The following ZBTB41 variants were observed in gnomAD, a reference collection of about 807,000 sequenced individuals.
ZBTB41 encodes the protein zinc finger and BTB domain-containing protein 41.
ZBTB41 carries 42 observed loss-of-function variants against 87.6 expected under a neutral mutation model. The ratio of observed to expected loss-of-function variants is 0.48; its 90% confidence interval spans 0.37 to 0.62. ZBTB41 has a LOEUF of 0.62. Among genes scored for constraint, ZBTB41 ranks in the 20% least tolerant of loss-of-function variants. The probability of loss-of-function intolerance (pLI) is 0.00; values close to 1 mark genes in which losing one functional copy is unlikely to be tolerated. For synonymous variants in ZBTB41, 364 were observed against 364.0 expected (o/e 1.00, Z 0.00); for missense variants, 799 against 1,078.9 (o/e 0.74, Z 3.63).
At position 197,165,609 on chromosome 1, in the gene ZBTB41, C is replaced by CA. The variant is rs796901231; in HGVS notation, c.2075-5596dup. On this transcript the variant is annotated intron_variant, in intron 10 of 10. Coordinates refer to ENST00000367405, the MANE Select transcript of ZBTB41 (RefSeq NM_194314.3). ...TGGGTGACAGAGCGAGACTCTATCT[C>CA]AAAAAAAAAACAAAAAAAACAACAA... is the stretch of plus-strand genomic sequence containing the variant. Among the ~76,000 whole-genome samples, 800 of 125,342 alleles carry CA rather than the reference C, an allele frequency of 6.4e-3. 10 individuals carry two copies. The highest frequency in any genetic ancestry group is 0.022 in the African/African-American group (737 of 33,658). The allele number at this position is 125,342 out of a possible 152,430, so 82.2% of individuals were successfully genotyped here. A position where few individuals can be genotyped will look rare whatever the true frequency, so the allele number is the denominator to read the frequency against.
chr1:197,191,704 T>A lies in ZBTB41; in HGVS notation c.1316A>T (p.Lys439Met). The change falls in exon 3 of 11, where the codon AAG (lysine) becomes ATG (methionine). Residue 439 changes from lysine to methionine, a missense_variant. Around this residue, in one of 5 missense-constraint regions of ZBTB41, gnomAD observed 294 missense variants for 340.1 expected, o/e 0.86. Coordinates refer to ENST00000367405, the MANE Select transcript of ZBTB41 (RefSeq NM_194314.3). Reference protein sequence around the residue: ...KLHASKKTLAKHVKRFHPENA... With the variant: ...KLHASKKTLAMHVKRFHPENA... ...AGATAATACTTGCCTCTTAACATGC[T>A]TGGCTAAAGTCTTCTTGCTTGCATG... The A allele has an allele frequency of 6.2e-7, 1 of 1,612,074 alleles. No homozygotes were observed. Among genetic ancestry groups the A allele is most frequent in the Non-Finnish European group, 8.5e-7 (1 of 1,179,112 alleles).
At chr1:197,168,570 TA>T (rs1031522112) in intron 10 of ZBTB41, among the ~76,000 whole-genome samples, 2 of 151,972 alleles carry the variant, frequency 1.3e-5, no homozygotes, top group African/African-American at 4.8e-5. Flanking sequence ...AACCATATGT[TA>T]AAAAAAGAAC....
chr1:197,183,015 CTCTA>C (rs1480047677), intron 5 of ZBTB41, among the ~76,000 whole-genome samples: 3 of 152,010 alleles, frequency 2.0e-5, no homozygotes, highest in Non-Finnish European at 4.4e-5. Context: ...AAGAAGCTCT[CTCTA>C]TATATATATA....
In ZBTB41 at chr1:197,172,266, T is replaced by A. The variant is rs1238319540; in HGVS notation, c.1986-18A>T. 6 of 1,026,830 alleles carry A rather than the reference T, an allele frequency of 5.8e-6. No individual in the cohort carries two copies. Among genetic ancestry groups the A allele is most frequent in the Non-Finnish European group, 7.9e-6 (6 of 762,656 alleles). 63.6% of individuals were successfully genotyped at this position (1,026,830 alleles called of 1,614,324 possible). A position where few individuals can be genotyped will look rare whatever the true frequency, so the allele number is the denominator to read the frequency against. On this transcript the variant is annotated intron_variant, in intron 9 of 10. Transcript: ENST00000367405. ...CTTTATATCTAAGAAAATAAAAAGA[T>A]TTGAGTTTTTCAATATAATTTTAAT...
chr1:197,189,882 G>A (rs925920057), intron 4 of ZBTB41, among the ~76,000 whole-genome samples: 6 of 152,118 alleles, frequency 3.9e-5, no homozygotes, highest in African/African-American at 9.7e-5. Flanking sequence ...TGAGATTCTC[G>A]CCAAGAACAA....
intron 5 of ZBTB41, among the ~76,000 whole-genome samples, chr1:197,182,897 C>T (rs143362245): frequency 0.016 from 2,388 of 152,182 alleles, 38 homozygotes; most frequent in Non-Finnish European, 0.022. Flanking sequence ...CTGGGAAATC[C>T]GTTTTAATAA....
At chr1:197,176,693 C>T in intron 7 of ZBTB41, 23 bp from the exon 8 acceptor site, 6 of 1,534,686 alleles carry the variant, frequency 3.9e-6, no homozygotes, top group Non-Finnish European at 5.4e-6. Flanking sequence ...AAGAATTGAA[C>T]ACCATTAAAA....
In ZBTB41 at chr1:197,156,495, T is replaced by C. The variant is rs1467149794; in HGVS notation, c.*2864A>G. 2.0e-5 allele frequency: 3 copies of C among 152,276 alleles called. No homozygotes were observed. The highest frequency in any genetic ancestry group is 7.2e-5 in the African/African-American group (3 of 41,434). The allele number at this position is 152,276 out of a possible 1,614,324, so 9.4% of individuals were successfully genotyped here. On this transcript the variant is annotated 3_prime_UTR_variant, in exon 11 of 11. Transcript: ENST00000367405. ...ATGAGGCTAAACTTAGTTGCAAGAT[T>C]CAAAATTTTAAGTACAGTTACAAAA... is the stretch of plus-strand genomic sequence containing the variant.
At position 197,176,604 on chromosome 1, in the gene ZBTB41, G is replaced by A. The variant is rs779306802; in HGVS notation, c.1839C>T (p.Ile613=). 1 of 1,612,136 alleles carries A rather than the reference G, an allele frequency of 6.2e-7. No homozygotes were observed. The highest frequency in any genetic ancestry group is 8.5e-7 in the Non-Finnish European group (1 of 1,179,064). The change falls in exon 8 of 11, where the codon ATC becomes ATT. Residue 613 remains isoleucine (I), a synonymous_variant. Coordinates refer to ENST00000367405, the MANE Select transcript of ZBTB41 (RefSeq NM_194314.3). The part of the protein sequence containing the change: ...YECDECGKTF[I]RHDHLTKHKK... ...TGTGCTTTGTAAGGTGATCATGACGGATAAATGTTTTTCCACATTCATCGC... is the reference window on the plus strand; with the variant it reads ...TGTGCTTTGTAAGGTGATCATGACGAATAAATGTTTTTCCACATTCATCGC...
At chr1:197,180,896 C>A (rs1321457984) in intron 6 of ZBTB41, 92 bp downstream of exon 6, 2 of 1,362,988 alleles carry the variant, frequency 1.5e-6, no homozygotes, top group Non-Finnish European at 1.9e-6. Context: ...CATTTTGTGT[C>A]TTATGTTACC....
chr1:197,193,373 C>CA (rs1466334937), intron 2 of ZBTB41, among the ~76,000 whole-genome samples: 5 of 147,380 alleles, frequency 3.4e-5, no homozygotes, highest in Admixed American at 1.4e-4. Context: ...CCCAACTCTA[C>CA]AAAAAAACAA....
intron 10 of ZBTB41, among the ~76,000 whole-genome samples, chr1:197,164,298 G>A (rs1349185367): frequency 6.6e-6 from 1 of 151,962 alleles, no homozygotes; most frequent in Non-Finnish European, 1.5e-5. Context: ...GAAGCTAACT[G>A]AGGGAAAAAT....
intron 2 of ZBTB41, among the ~76,000 whole-genome samples, chr1:197,192,785 T>C (rs915780529): frequency 2.6e-5 from 4 of 152,060 alleles, no homozygotes; most frequent in African/African-American, 9.7e-5. Flanking sequence ...ATGTATAACA[T>C]GAAAATTATG....
intron 2 of ZBTB41, among the ~76,000 whole-genome samples, chr1:197,198,884 T>C (rs778414264): frequency 2.0e-5 from 3 of 152,128 alleles, no homozygotes; most frequent in Non-Finnish European, 4.4e-5. Context: ...TAGTTTAATA[T>C]AAAACATCCC....
rs1204962451 is a variant in ZBTB41 at position 197,199,672 on chromosome 1, C to T, written c.802G>A (p.Asp268Asn). ...CCATCACCACTTTCCTGTTCATCAT[C>T]GCTGGTGTCATCAAACTTAACAGGG... ...KCPVKFDDTSDDEQESGDGSD... is the reference protein window; with the variant it reads ...KCPVKFDDTSNDEQESGDGSD... Residue 268 changes from aspartate (D) to asparagine (N), a missense_variant, in exon 2 of 11, where the codon GAT becomes AAT. Asp to Asn is a conservative substitution (Grantham distance 23, BLOSUM62 1). Around this residue, in one of 5 missense-constraint regions of ZBTB41, gnomAD observed 294 missense variants for 340.1 expected, o/e 0.86. Transcript: ENST00000367405. The T allele has an allele frequency of 1.9e-6, 3 of 1,613,480 alleles. No individual in the cohort carries two copies. The highest frequency in any genetic ancestry group is 2.2e-5 in the East Asian group (1 of 44,856).
chr1:197,180,121 T>C (rs1424314334), intron 6 of ZBTB41, among the ~76,000 whole-genome samples: 1 of 152,150 alleles, frequency 6.6e-6, no homozygotes, highest in African/African-American at 2.4e-5. Flanking sequence ...TATTCTTTTT[T>C]ATATTTTATA....
Position 197,159,695 on chromosome 1 carries a change from C to T in ZBTB41, c.2394G>A (p.Met798Ile). The change falls in exon 11 of 11, where the codon ATG becomes ATA. Residue 798 changes from methionine to isoleucine, a missense_variant. Around this residue, in one of 5 missense-constraint regions of ZBTB41, gnomAD observed 171 missense variants for 191.9 expected, o/e 0.89. Coordinates refer to ENST00000367405, the MANE Select transcript of ZBTB41 (RefSeq NM_194314.3). ...ATACTTCAGCAGATACATTCTGTAA[C>T]ATCGTCTTGGCTTCCGACTGATAAA... ...PKVYQSEAKTMLQNVSAEVCV... is the reference protein window; with the variant it reads ...PKVYQSEAKTILQNVSAEVCV... The T allele has an allele frequency of 1.9e-6, 3 of 1,614,008 alleles. No homozygotes were observed. The African/African-American group carries it at 4.0e-5, about 22-fold the overall frequency.
intron 5 of ZBTB41, among the ~76,000 whole-genome samples, chr1:197,182,142 A>C (rs1659762265): frequency 6.6e-6 from 1 of 152,200 alleles, no homozygotes; most frequent in Admixed American, 6.6e-5. Context: ...AAAAAGGTGA[A>C]GTAAATACAC....
At chr1:197,189,280 C>G (rs1659962900) in intron 4 of ZBTB41, among the ~76,000 whole-genome samples, 1 of 152,096 alleles carries the variant, frequency 6.6e-6, no homozygotes, top group Non-Finnish European at 1.5e-5. Context: ...CCGGGAAGCA[C>G]TTTGGGAGGC....
Sources: allele counts gnomAD v4.1 joint callset (sites outside exome capture counted in the v4.1 genomes callset), GRCh38; gene constraint gnomAD v4.1.1; regional missense constraint gnomAD v4.1.1; transcripts MANE v1.5; gene names NCBI Gene and HGNC (gene_info 2026-07-23, HGNC 2026-07-21).